Variants in TG observed in about 807,000 individuals in gnomAD.
TG encodes the protein thyroglobulin.
TG carries 270 observed loss-of-function variants against 324.7 expected under a neutral mutation model. The ratio of observed to expected loss-of-function variants is 0.83; its 90% CI spans 0.75 to 0.92. TG has a LOEUF of 0.92. Ranked by LOEUF, TG falls within the 40% of genes least tolerant of loss-of-function variation. The pLI, the probability that TG is intolerant of heterozygous loss-of-function variation, is 0.00. For missense variants in TG, 3,591 were observed against 3,456.4 expected, an observed-to-expected ratio of 1.04 and a Z score of -0.98; for synonymous variants, 1,401 against 1,327.0, an observed-to-expected ratio of 1.06 and a Z score of -1.21.
At chr8:132,867,140 T>A in intron 1 of TG, 73 bp downstream of exon 1, 1 of 1,327,638 alleles carries the variant, frequency 7.5e-7, no homozygotes. Flanking sequence ...CCCTGGGCCT[T>A]CGAACAGGTG....
chr8:132,926,958 T>G (rs1821951976), intron 22 of TG, among the ~76,000 whole-genome samples: 1 of 152,172 alleles, frequency 6.6e-6, no homozygotes, highest in African/African-American at 2.4e-5. Flanking sequence ...TTTCCTTTGT[T>G]TACTTGCAGA....
intron 35 of TG, among the ~76,000 whole-genome samples, chr8:133,000,671 C>T (rs996422835): frequency 1.3e-5 from 2 of 152,176 alleles, no homozygotes; most frequent in Non-Finnish European, 1.5e-5. Flanking sequence ...TGTGCCGCTT[C>T]GTACAGGAGA....
intron 41 of TG, chr8:133,059,292 C>A: frequency 5.4e-6 from 2 of 368,586 alleles, no homozygotes; most frequent in Non-Finnish European, 1.1e-5. Flanking sequence ...GTCCCTTTCC[C>A]AAGACCCCAC....
At chr8:133,123,654 G>GC (rs1395038511) in intron 45 of TG, among the ~76,000 whole-genome samples, 1 of 152,128 alleles carries the variant, frequency 6.6e-6, no homozygotes, top group Non-Finnish European at 1.5e-5. Context: ...CCCAGGAAGA[G>GC]CCCCATCTGT....
At chr8:132,902,420 A>G (rs1185018359) in intron 16 of TG, among the ~76,000 whole-genome samples, 1 of 152,142 alleles carries the variant, frequency 6.6e-6, no homozygotes, top group African/African-American at 2.4e-5. Flanking sequence ...GTGGGAGGGA[A>G]GAGTCCCCCC....
intron 28 of TG, among the ~76,000 whole-genome samples, chr8:132,962,729 A>T (rs1165673119): frequency 1.3e-5 from 2 of 152,232 alleles, no homozygotes; most frequent in Non-Finnish European, 2.9e-5. Flanking sequence ...AGCAATATTT[A>T]TGAGCATATT....
At chr8:132,961,132 C>T in intron 28 of TG, 59 bp downstream of exon 28, 2 of 1,525,480 alleles carry the variant, frequency 1.3e-6, no homozygotes, top group Non-Finnish European at 1.8e-6. Flanking sequence ...GATTGTCTGG[C>T]ACCACCTCTC....
chr8:132,867,570 C>T (rs2132018784), intron 1 of TG, among the ~76,000 whole-genome samples: 1 of 150,478 alleles, frequency 6.6e-6, no homozygotes, highest in East Asian at 1.9e-4. Flanking sequence ...ATAACACACA[C>T]CTCATGATGC....
intron 45 of TG, among the ~76,000 whole-genome samples, chr8:133,130,977 ACCGC>A (rs1256273776): frequency 2.6e-5 from 4 of 152,230 alleles, no homozygotes; most frequent in African/African-American, 4.8e-5. Flanking sequence ...CTCTGTCGCC[ACCGC>A]AGAGGGAGTG....
intron 35 of TG, among the ~76,000 whole-genome samples, chr8:132,996,600 G>T (rs1319851932): frequency 1.3e-5 from 2 of 152,042 alleles, no homozygotes; most frequent in African/African-American, 4.8e-5. Context: ...CACAGTTTTT[G>T]ATCTCAAGGA....
chr8:133,125,005 G>A (rs1307618145), intron 45 of TG, among the ~76,000 whole-genome samples: 1 of 152,218 alleles, frequency 6.6e-6, no homozygotes, highest in Non-Finnish European at 1.5e-5. Context: ...TTATTTCCCA[G>A]TGTAGATGAA....
chr8:133,063,626 G>T (rs1035146275), intron 41 of TG: 3 of 152,186 alleles, frequency 2.0e-5, no homozygotes, highest in Non-Finnish European at 4.4e-5. Context: ...AGAGGCCTGG[G>T]TTCTTCTACG....
At chr8:133,109,647 C>A (rs1035341524) in intron 43 of TG, among the ~76,000 whole-genome samples, 2 of 152,108 alleles carry the variant, frequency 1.3e-5, no homozygotes, top group Non-Finnish European at 2.9e-5. Context: ...CCTCTCTGAG[C>A]CAGTTTCCTT....
chr8:132,906,594 A>C (rs886863342), intron 16 of TG, 94 bp from the exon 17 acceptor site: 3 of 1,410,124 alleles, frequency 2.1e-6, no homozygotes, highest in Non-Finnish European at 3.0e-6. Context: ...AGGAGGGCCC[A>C]GTGTGAGTGA....
chr8:132,997,801 C>T (rs1833023800), intron 35 of TG, among the ~76,000 whole-genome samples: 1 of 152,186 alleles, frequency 6.6e-6, no homozygotes, highest in Admixed American at 6.5e-5. Context: ...GGAACATTAG[C>T]TGGTAATCAT....
At chr8:133,079,671 T>A (rs1845452000) in intron 41 of TG, among the ~76,000 whole-genome samples, 2 of 152,324 alleles carry the variant, frequency 1.3e-5, no homozygotes, top group Non-Finnish European at 1.5e-5. Flanking sequence ...ATTCCTACTT[T>A]ATAGCTTGAT....
chr8:132,961,064 C>A lies in TG; in HGVS notation c.5458C>A (p.Leu1820Ile). Residue 1820 changes from leucine (L) to isoleucine (I), a missense_variant, in exon 28 of 48, where the codon CTC (leucine) becomes ATC (isoleucine). Transcript: ENST00000220616. The stretch of plus-strand genomic sequence containing the variant: ...CTTTACCAATTTTCAGCAGGTTTAT[C>A]TCTGGAAAGGTGAGCTCCGTGGTGG... ...DTFTNFQQVY[L>I]WKDSDMGSRP... 1 of 1,614,030 alleles carries A rather than the reference C, an allele frequency of 6.2e-7. No homozygotes were observed.
At chr8:132,907,018 A>C in intron 17 of TG, 118 bp downstream of exon 17, 1 of 1,085,466 alleles carries the variant, frequency 9.2e-7, no homozygotes, top group Non-Finnish European at 1.4e-6. Flanking sequence ...CGCTGGTGGT[A>C]TGCCAGATGG....
chr8:132,919,156 C>G (rs940193529), intron 20 of TG, among the ~76,000 whole-genome samples: 1 of 152,200 alleles, frequency 6.6e-6, no homozygotes, highest in Non-Finnish European at 1.5e-5. Flanking sequence ...TCATCTCCTA[C>G]AAGCATGTCA....
Sources: gnomAD v4.1 joint callset for allele counts (sites outside exome capture counted in the v4.1 genomes callset) on GRCh38, gnomAD v4.1.1 for gene constraint, MANE v1.5 for transcripts, NCBI Gene and HGNC (gene_info 2026-07-23, HGNC 2026-07-21) for gene names.